Variants in ADAM2 observed in about 807,000 individuals in gnomAD.
The protein encoded by ADAM2 is ADAM metallopeptidase domain 2, also known as disintegrin and metalloproteinase domain-containing protein 2.
A neutral mutation model predicts 99.3 loss-of-function variants in ADAM2; 101 were observed. The observed-to-expected ratio is 1.02, with a 90% CI of 0.87 to 1.20. The LOEUF (loss-of-function observed/expected upper bound fraction) is 1.20, where lower values mean the gene tolerates loss of function less well. Among genes scored for constraint, ADAM2 ranks in the 50% most tolerant of loss-of-function variants. ADAM2 has a pLI of 0.00. For synonymous variants in ADAM2, 323 were observed against 287.6 expected (o/e 1.12, Z -1.25); for missense variants, 948 against 878.7 (o/e 1.08, Z -1.00).
At position 39,821,145 on chromosome 8, in the gene ADAM2, T is replaced by C. The variant is rs545202723; in HGVS notation, c.370A>G (p.Ser124Gly). 6 of 1,601,586 alleles carry C rather than the reference T, an allele frequency of 3.7e-6. No individual in the cohort carries two copies. Among genetic ancestry groups the C allele is most frequent in the Non-Finnish European group, 5.1e-6 (6 of 1,175,396 alleles). Residue 124 changes from serine to glycine, a missense_variant, in exon 6 of 21, where the codon AGT becomes GGT. Physicochemically the swap from Ser to Gly is moderately conservative, Grantham distance 56. Coordinates refer to ENST00000265708, the MANE Select transcript of ADAM2 (RefSeq NM_001464.5). ...GACTCCAGGGGTTCTATTCCATAAC[T>C]AACATTTTCAAACTGTAGTACGCCC... ...LRGVLQFENV[S>G]YGIEPLESSV...
Position 39,823,529 on chromosome 8 carries a change from GT to G in ADAM2, c.267+1289del, listed in dbSNP as rs1007943834. Among the ~76,000 whole-genome samples, 208 of 143,020 alleles carry G rather than the reference GT, an allele frequency of 1.5e-3. 1 individual carries two copies. In the East Asian group the frequency reaches 0.016, roughly 11 times the overall value. The allele number at this position is 143,020 out of a possible 152,430, so 93.8% of individuals were successfully genotyped here. On this transcript the variant is annotated intron_variant, in intron 4 of 20. Coordinates refer to ENST00000265708, the MANE Select transcript of ADAM2 (RefSeq NM_001464.5). The stretch of plus-strand genomic sequence containing the variant: ...TGAATGCTTTGTAGCATTCTTGCTT[GT>G]TTTTTTTTTTTAACTGTACATTTAT...
At chr8:39,781,850 G>A (rs1049553824) in intron 10 of ADAM2, among the ~76,000 whole-genome samples, 6 of 152,130 alleles carry the variant, frequency 3.9e-5, no homozygotes, top group Non-Finnish European at 5.9e-5. Context: ...TTATGACAAC[G>A]TGGTGTTGGT....
intron 1 of ADAM2, 111 bp from the exon 2 acceptor site, chr8:39,837,323 T>G: frequency 1.6e-6 from 1 of 615,180 alleles, no homozygotes; most frequent in Non-Finnish European, 2.7e-6. Flanking sequence ...GCTTCTCATT[T>G]TTATTATCTT....
chr8:39,791,008 A>G (rs188266366), intron 7 of ADAM2, among the ~76,000 whole-genome samples: 1 of 152,056 alleles, frequency 6.6e-6, no homozygotes, highest in East Asian at 1.9e-4. Context: ...ACAGTTTTCA[A>G]CTTTGATTTT....
At chr8:39,784,707 AAC>A (rs1803385729) in intron 10 of ADAM2, among the ~76,000 whole-genome samples, 1 of 152,184 alleles carries the variant, frequency 6.6e-6, no homozygotes, top group Non-Finnish European at 1.5e-5. Context: ...TGATGAAATA[AAC>A]AAGCCAAATT....
In ADAM2 at chr8:39,821,121, A is replaced by C. The variant is rs1805168832; in HGVS notation, c.394T>G (p.Ser132Ala). The C allele has an allele frequency of 1.2e-6, 2 of 1,610,838 alleles. No homozygotes were observed. Among genetic ancestry groups the C allele is most frequent in the African/African-American group, 1.3e-5 (1 of 74,702 alleles). The change falls in exon 6 of 21, where the codon TCT becomes GCT. Residue 132 changes from serine (S) to alanine (A), a missense_variant. By Grantham distance (99) the Ser-to-Ala change is moderately conservative (BLOSUM62 1). Coordinates refer to ENST00000265708, the MANE Select transcript of ADAM2 (RefSeq NM_001464.5). ...NVSYGIEPLESSVGFEHVIYQ... is the reference protein window; with the variant it reads ...NVSYGIEPLEASVGFEHVIYQ... Reference sequence around the variant, plus strand: ...ATTACATGTTCAAAGCCAACTGAAGACTCCAGGGGTTCTATTCCATAACTA... The same window carrying C: ...ATTACATGTTCAAAGCCAACTGAAGCCTCCAGGGGTTCTATTCCATAACTA...
Position 39,786,985 on chromosome 8 carries a change from C to T in ADAM2, c.880G>A (p.Gly294Ser), listed in dbSNP as rs1803490172. The T allele has an allele frequency of 1.9e-6, 3 of 1,590,620 alleles. No individual in the cohort carries two copies. The African/African-American group carries it at 4.1e-5, about 21-fold the overall frequency. The change falls in exon 10 of 21, where the codon GGT becomes AGT. Residue 294 changes from glycine (G) to serine (S), a missense_variant. Physicochemically the swap from Gly to Ser is moderately conservative, Grantham distance 56 (BLOSUM62 0). Transcript: ENST00000265708. The part of the protein sequence containing the change: ...GKMCDANYAG[G>S]VVLHPRTISL... ...TAACCATACCATACCAGAACAACAC[C>T]TCCTGCATAGTTTGCATCACACATC... is the stretch of plus-strand genomic sequence containing the variant.
In ADAM2 at chr8:39,749,321, T is replaced by A. The variant is rs1284326615; in HGVS notation, c.2005A>T (p.Arg669Ter). The A allele has an allele frequency of 6.2e-7, 1 of 1,610,452 alleles. No individual in the cohort carries two copies. Among genetic ancestry groups the A allele is most frequent in the Admixed American group, 1.7e-5 (1 of 59,512 alleles). The change falls in exon 18 of 21, where the codon AGA becomes TGA. Residue 669 changes from arginine to a stop codon, truncating the protein, a stop_gained. Transcript: ENST00000265708. LOFTEE classifies it high-confidence loss of function. ...TATTATTAATACTTACCAGGGAGTC[T>A]GGCTGGTATAGCTACAGGTGGAAAA... ...GNFPPVAIPA[R>*]LPERRYIENI...
At chr8:39,811,471 C>CA (rs1053892402) in intron 6 of ADAM2, among the ~76,000 whole-genome samples, 2 of 151,962 alleles carry the variant, frequency 1.3e-5, no homozygotes, top group South Asian at 2.1e-4. Flanking sequence ...GCAGACACAA[C>CA]AAAAAAAGTA....
chr8:39,793,407 G>A (rs1482378242), intron 7 of ADAM2, among the ~76,000 whole-genome samples: 9 of 152,086 alleles, frequency 5.9e-5, no homozygotes, highest in Admixed American at 5.9e-4. Context: ...ATGGACCAAA[G>A]GGACACCTTG....
At chr8:39,767,394 T>C (rs1398485456) in intron 12 of ADAM2, 143 bp from the exon 13 acceptor site, 1 of 714,746 alleles carries the variant, frequency 1.4e-6, no homozygotes, top group Non-Finnish European at 2.3e-6. Context: ...AAACCACTTA[T>C]TCATTTACTT....
At chr8:39,835,368 T>C (rs1805777981) in intron 2 of ADAM2, among the ~76,000 whole-genome samples, 1 of 152,118 alleles carries the variant, frequency 6.6e-6, no homozygotes, top group African/African-American at 2.4e-5. Flanking sequence ...TTTTAGAAGT[T>C]ACATTCAATT....
intron 7 of ADAM2, among the ~76,000 whole-genome samples, chr8:39,790,433 A>T (rs1015668515): frequency 6.6e-6 from 1 of 151,970 alleles, no homozygotes; most frequent in Admixed American, 6.6e-5. Context: ...ATCATTACAT[A>T]TTGTATGATA....
chr8:39,749,033 T>C (rs1823591248), intron 18 of ADAM2, among the ~76,000 whole-genome samples: 1 of 152,104 alleles, frequency 6.6e-6, no homozygotes. Context: ...ATCTATGCAA[T>C]TACCGGATGC....
chr8:39,754,306 G>A (rs1802067586), intron 16 of ADAM2, among the ~76,000 whole-genome samples: 1 of 152,098 alleles, frequency 6.6e-6, no homozygotes, highest in South Asian at 2.1e-4. Flanking sequence ...CTAAAAACTG[G>A]ACTGAGTCTG....
intron 5 of ADAM2, 70 bp from the exon 6 acceptor site, chr8:39,821,240 G>A: frequency 2.8e-6 from 3 of 1,077,464 alleles, no homozygotes; most frequent in Non-Finnish European, 2.6e-6. Context: ...ATGCCACTTA[G>A]CATTATTTTT....
At chr8:39,749,807 A>T in intron 16 of ADAM2, 63 bp from the exon 17 acceptor site, 1 of 1,255,648 alleles carries the variant, frequency 8.0e-7, no homozygotes, top group South Asian at 1.3e-5. Flanking sequence ...TTTAATTAAA[A>T]GCATTCCATA....
chr8:39,790,399 C>T (rs567507052), intron 7 of ADAM2, among the ~76,000 whole-genome samples: 115 of 151,890 alleles, frequency 7.6e-4, no homozygotes, highest in African/African-American at 2.6e-3. Flanking sequence ...AAAATCACTA[C>T]GGTAAATGAA....
chr8:39,755,513 A>G (rs1036147394), intron 16 of ADAM2, among the ~76,000 whole-genome samples: 2 of 152,132 alleles, frequency 1.3e-5, no homozygotes, highest in Non-Finnish European at 1.5e-5. Flanking sequence ...CGTCTCTACT[A>G]AAAATACAAA....
Sources: allele counts gnomAD v4.1 joint callset (sites outside exome capture counted in the v4.1 genomes callset), GRCh38; gene constraint gnomAD v4.1.1; transcripts MANE v1.5; gene names NCBI Gene and HGNC (gene_info 2026-07-23, HGNC 2026-07-21).